The following SREBF2 variants were observed in gnomAD, a reference collection of about 807,000 sequenced individuals.
SREBF2 encodes the protein sterol regulatory element-binding protein 2.
In SREBF2, 55 loss-of-function variants were observed where a neutral mutation model predicts 113.1. The observed-to-expected ratio is 0.49, with a 90% confidence interval of 0.39 to 0.61. SREBF2 has a LOEUF of 0.61. Ranked by LOEUF, SREBF2 falls within the 20% of genes least tolerant of loss-of-function variation. The probability of loss-of-function intolerance (pLI) is 0.00; values close to 1 mark genes in which losing one functional copy is unlikely to be tolerated. For synonymous variants in SREBF2, 593 were observed against 605.7 expected (o/e 0.98, Z 0.31); for missense variants, 1,349 against 1,487.4 (o/e 0.91, Z 1.53).
In SREBF2 at chr22:41,894,849, T is replaced by C. The variant is rs1057411266; in HGVS notation, c.2407T>C (p.Phe803Leu). The change falls in exon 13 of 19, where the codon TTC becomes CTC. Residue 803 changes from phenylalanine (F) to leucine (L), a missense_variant. By Grantham distance (22) the Phe-to-Leu change is conservative (BLOSUM62 0). Transcript: ENST00000361204. ...ADPIAQVHQA[F>L]CKNLLERAIE... ...CCCCATTGCGCAGGTCCACCAGGCC[T>C]TCTGCAAGAACCTGCTGGAGCGAGC... is the stretch of plus-strand genomic sequence containing the variant. 3.7e-6 allele frequency: 6 copies of C among 1,614,054 alleles called. No individual in the cohort carries two copies. The African/African-American group carries it at 8.0e-5, about 22-fold the overall frequency.
At chr22:41,867,328 T>C (rs751494470) in intron 2 of SREBF2, 48 bp downstream of exon 2, 1 of 1,589,806 alleles carries the variant, frequency 6.3e-7, no homozygotes, top group South Asian at 1.1e-5. Flanking sequence ...CCAATGTTTA[T>C]GTGCCAGTTT....
At chr22:41,874,163 G>T in intron 5 of SREBF2, 144 bp downstream of exon 5, 1 of 816,714 alleles carries the variant, frequency 1.2e-6, no homozygotes, top group South Asian at 1.6e-5. Flanking sequence ...GCATCTTGGT[G>T]TCATGTCAAG....
intron 1 of SREBF2, among the ~76,000 whole-genome samples, chr22:41,850,440 A>C (rs1204243243): frequency 1.4e-5 from 2 of 147,662 alleles, no homozygotes; most frequent in East Asian, 4.0e-4. Context: ...ACAGAGCGAG[A>C]CTCCATCTCA....
intron 7 of SREBF2, among the ~76,000 whole-genome samples, 179 bp downstream of exon 7, chr22:41,875,903 G>C (rs554805523): frequency 2.6e-5 from 4 of 152,168 alleles, no homozygotes; most frequent in Non-Finnish European, 5.9e-5. Flanking sequence ...AACTGACTCC[G>C]GGGGGAAACA....
chr22:41,854,962 A>C, intron 1 of SREBF2, among the ~76,000 whole-genome samples: 1 of 151,860 alleles, frequency 6.6e-6, no homozygotes, highest in Admixed American at 6.6e-5. Flanking sequence ...TCCTAGGTTC[A>C]AGCGATCCTC....
intron 1 of SREBF2, among the ~76,000 whole-genome samples, chr22:41,853,298 C>G (rs1021349828): frequency 1.6e-4 from 24 of 152,304 alleles, no homozygotes; most frequent in Admixed American, 9.2e-4. Flanking sequence ...CACCCATTGT[C>G]TTCAACAACC....
chr22:41,870,783 T>G, intron 3 of SREBF2, 106 bp from the exon 4 acceptor site: 1 of 1,458,302 alleles, frequency 6.9e-7, no homozygotes, highest in South Asian at 1.2e-5. Flanking sequence ...TTCATAAAAA[T>G]TATATCATTT....
At chr22:41,851,482 A>C (rs932131895) in intron 1 of SREBF2, among the ~76,000 whole-genome samples, 1 of 150,082 alleles carries the variant, frequency 6.7e-6, no homozygotes, top group Non-Finnish European at 1.5e-5. Context: ...TGCTTCTTTT[A>C]GTCTTTTTGT....
intron 11 of SREBF2, 99 bp from the exon 12 acceptor site, chr22:41,893,018 C>G (rs1381476137): frequency 2.1e-6 from 3 of 1,451,440 alleles, no homozygotes; most frequent in Admixed American, 1.7e-5. Context: ...CCAGTCTCCC[C>G]CAAAGCCCAC....
At chr22:41,884,458 T>G (rs1302830878) in intron 10 of SREBF2, among the ~76,000 whole-genome samples, 1 of 152,180 alleles carries the variant, frequency 6.6e-6, no homozygotes, top group Non-Finnish European at 1.5e-5. Flanking sequence ...GGTTTTTTAA[T>G]GAAAATAAAT....
intron 15 of SREBF2, chr22:41,899,046 C>A: frequency 1.7e-6 from 1 of 598,220 alleles, no homozygotes; most frequent in Non-Finnish European, 2.7e-6. Context: ...CTCCCTGCAG[C>A]CTTCATGGCG....
chr22:41,893,319 A>G (rs1201568504), intron 12 of SREBF2, 34 bp downstream of exon 12: 1 of 1,613,032 alleles, frequency 6.2e-7, no homozygotes. Flanking sequence ...AGAATTGGAG[A>G]AAGCCATGCA....
chr22:41,847,710 A>T (rs1025513003), intron 1 of SREBF2, among the ~76,000 whole-genome samples: 2 of 152,200 alleles, frequency 1.3e-5, no homozygotes, highest in African/African-American at 4.8e-5. Context: ...CCTTACCTGT[A>T]AAGTGGAGAT....
At position 41,880,958 on chromosome 22, in the gene SREBF2, G is replaced by A. The variant is rs1429150491; in HGVS notation, c.2004G>A (p.Leu668=). The change falls in exon 10 of 19, where the codon CTG becomes CTA. Residue 668 remains leucine, a synonymous_variant. Coordinates refer to ENST00000361204, the MANE Select transcript of SREBF2 (RefSeq NM_004599.4). ...AGACCAGCGCCCGGGATGCGGCTCT[G>A]GCCTATCACCGGCTGCACCAGCTGC... ...EAKTSARDAA[L]AYHRLHQLHI... is the part of the protein sequence containing the mutation. 3.7e-6 allele frequency: 6 copies of A among 1,610,596 alleles called. No individual in the cohort carries two copies. The highest frequency in any genetic ancestry group is 5.1e-6 in the Non-Finnish European group (6 of 1,179,998).
intron 5 of SREBF2, among the ~76,000 whole-genome samples, chr22:41,874,916 GAAA>G (rs56791406): frequency 2.1e-5 from 3 of 143,834 alleles, no homozygotes; most frequent in Non-Finnish European, 4.6e-5. Flanking sequence ...TTGGAAAAAA[GAAA>G]AAAAAAAAGA....
At position 41,833,245 on chromosome 22, in the gene SREBF2, G is replaced by T. The variant is rs200467127; in HGVS notation, c.-26G>T. On this transcript the variant is annotated 5_prime_UTR_variant, in exon 1 of 19. Coordinates refer to ENST00000361204, the MANE Select transcript of SREBF2 (RefSeq NM_004599.4). The surrounding 1 kb of genome is among the most constrained non-coding windows in gnomAD (Gnocchi z 4.1). ...CGCGTCTCCCTGAGCGGGACGGCAG[G>T]GGGGGCTTCTGCGCTGAGCCGGGCG... 1.3e-4 allele frequency: 196 copies of T among 1,513,346 alleles called. No individual in the cohort carries two copies. The African/African-American group carries it at 2.5e-3, about 19-fold the overall frequency. The allele number at this position is 1,513,346 out of a possible 1,614,324, so 93.7% of individuals were successfully genotyped here.
At chr22:41,886,512 G>A (rs2077300394) in intron 11 of SREBF2, among the ~76,000 whole-genome samples, 1 of 152,090 alleles carries the variant, frequency 6.6e-6, no homozygotes, top group South Asian at 2.1e-4. Context: ...CAACATACAT[G>A]CAGAAAAATG....
At chr22:41,869,489 AT>A (rs200309298) in intron 3 of SREBF2, among the ~76,000 whole-genome samples, 77 of 120,128 alleles carry the variant, frequency 6.4e-4, no homozygotes, top group Admixed American at 1.6e-3. Context: ...CTTTTTTTTA[AT>A]TTTTTTTTTT....
At chr22:41,868,419 C>T (rs907681657) in intron 2 of SREBF2, among the ~76,000 whole-genome samples, 192 bp from the exon 3 acceptor site, 9 of 152,206 alleles carry the variant, frequency 5.9e-5, no homozygotes, top group East Asian at 3.8e-4. Context: ...CTCGTTCCCT[C>T]AGAAATTGAT....
Sources: gnomAD v4.1 joint callset for allele counts (sites outside exome capture counted in the v4.1 genomes callset) on GRCh38, gnomAD v4.1.1 for gene constraint, Gnocchi (gnomAD v3.1) non-coding constraint, MANE v1.5 for transcripts, NCBI Gene and HGNC (gene_info 2026-07-23, HGNC 2026-07-21) for gene names.